RADIL: variants seen among roughly 807,000 people sequenced by gnomAD.
RADIL encodes ras-associating and dilute domain-containing protein.
RADIL carries 99 observed loss-of-function variants against 97.6 expected under a neutral mutation model. The observed-to-expected ratio is 1.01, with a 90% CI of 0.86 to 1.20. RADIL has a LOEUF of 1.20. Ranked by LOEUF, RADIL falls within the 50% of genes most tolerant of loss-of-function variation. The pLI is 0.00. For missense variants in RADIL, 1,765 were observed against 1,498.9 expected, an observed-to-expected ratio of 1.18 and a Z score of -2.93; for synonymous variants, 803 against 691.8, an observed-to-expected ratio of 1.16 and a Z score of -2.52.
At chr7:4,843,582 C>T (rs1783498430) in intron 2 of RADIL, among the ~76,000 whole-genome samples, 4 of 152,192 alleles carry the variant, frequency 2.6e-5, no homozygotes, top group African/African-American at 9.7e-5. Context: ...TGACTCTGGG[C>T]ATTTTGCATC....
chr7:4,798,197 A>G lies in RADIL; in HGVS notation c.*1181T>C, dbSNP rs1430059471. On this transcript the variant is annotated 3_prime_UTR_variant, in exon 15 of 15. Coordinates refer to ENST00000399583, the MANE Select transcript of RADIL (RefSeq NM_018059.5). ...GAACCTGGCAGTGGTCGCCGTTTCGAGCCAGGCGCAATGCGGAGCCGCACA... is the reference window on the plus strand; with the variant it reads ...GAACCTGGCAGTGGTCGCCGTTTCGGGCCAGGCGCAATGCGGAGCCGCACA... The G allele has an allele frequency of 6.6e-6, 1 of 151,468 alleles. No individual in the cohort carries two copies. Among genetic ancestry groups the G allele is most frequent in the Non-Finnish European group, 1.5e-5 (1 of 67,896 alleles). 9.4% of individuals were successfully genotyped at this position (151,468 alleles called of 1,614,324 possible).
At chr7:4,859,960 T>C in intron 2 of RADIL, 2 of 1,614,008 alleles carry the variant, frequency 1.2e-6, no homozygotes, top group Non-Finnish European at 1.7e-6. Flanking sequence ...TGAGACATGT[T>C]GAAGAAACAA....
chr7:4,828,374 C>T (rs373262927), intron 5 of RADIL, among the ~76,000 whole-genome samples: 1 of 152,242 alleles, frequency 6.6e-6, no homozygotes, highest in African/African-American at 2.4e-5. Context: ...GCGGGAATCG[C>T]TTCAGCCCAG....
intron 2 of RADIL, among the ~76,000 whole-genome samples, chr7:4,853,965 C>T (rs1783768965): frequency 6.6e-6 from 1 of 152,138 alleles, no homozygotes; most frequent in Admixed American, 6.5e-5. Context: ...TAGGCACAGC[C>T]ATGTGACTAC....
rs1782196668 is a variant in RADIL at position 4,803,764 on chromosome 7, A to C, written c.2291-10T>G. On this transcript the variant is annotated splice_polypyrimidine_tract_variant and intron_variant, in intron 10 of 14. Transcript: ENST00000399583. ...GACTCCAGAACATCCTCTGCAGGGG[A>C]GAGAGGATGCCCGTAATGGCCACAG... 3 of 1,551,156 alleles carry C rather than the reference A, an allele frequency of 1.9e-6. No homozygotes were observed. The East Asian group carries it at 7.3e-5, about 38-fold the overall frequency.
At chr7:4,833,847 C>T (rs1481483495) in intron 4 of RADIL, among the ~76,000 whole-genome samples, 2 of 152,108 alleles carry the variant, frequency 1.3e-5, no homozygotes, top group Admixed American at 6.6e-5. Flanking sequence ...GGGCCCAGGG[C>T]GGTCCTGCTC....
intron 2 of RADIL, chr7:4,860,563 A>G: frequency 6.2e-7 from 1 of 1,614,204 alleles, no homozygotes; most frequent in South Asian, 1.1e-5. Flanking sequence ...GTGGATTCAC[A>G]TGTGCCAGTG....
intron 5 of RADIL, among the ~76,000 whole-genome samples, chr7:4,826,891 A>AT (rs763374844): frequency 1.3e-5 from 2 of 152,220 alleles, no homozygotes; most frequent in Non-Finnish European, 2.9e-5. Flanking sequence ...ATTAACAAAG[A>AT]TAAGACAGGT....
rs1391528450 is a variant in RADIL at position 4,835,644 on chromosome 7, G to A, written c.784-405C>T. Among the ~76,000 whole-genome samples, 17 of 151,710 alleles carry A rather than the reference G, an allele frequency of 1.1e-4. No homozygotes were observed. The East Asian group carries it at 1.4e-3, about 12-fold the overall frequency. On this transcript the variant is annotated intron_variant, in intron 3 of 14. Transcript: ENST00000399583. This position sits in a 1 kb window ranked among gnomAD's most constrained non-coding sequence, Gnocchi z 5.8. ...GCACCACCCCCAGTGTGGGAGCACT[G>A]CCGCCTGTGTGAGAGCACTGCCCCG...
At position 4,799,133 on chromosome 7, in the gene RADIL, C is replaced by G. The variant is rs184584365; in HGVS notation, c.*245G>C. On this transcript the variant is annotated 3_prime_UTR_variant, in exon 15 of 15. Coordinates refer to ENST00000399583, the MANE Select transcript of RADIL (RefSeq NM_018059.5). ...GAACGGGAAAAATAGTTTATTGAAC[C>G]GTACTTCTCCATTGAAGTCTTTAAA... 3.8e-6 allele frequency: 2 copies of G among 525,608 alleles called. No homozygotes were observed. Among genetic ancestry groups the G allele is most frequent in the African/African-American group, 3.8e-5 (2 of 52,092 alleles). The allele number at this position is 525,608 out of a possible 1,614,324, so 32.6% of individuals were successfully genotyped here. A position where few individuals can be genotyped will look rare whatever the true frequency, so the allele number is the denominator to read the frequency against.
At position 4,799,190 on chromosome 7, in the gene RADIL, C is replaced by G. The variant is rs76781363; in HGVS notation, c.*188G>C. ...AGCTCTGTAACAAACATCACAATTT[C>G]ACGTCATCTGCCATATAAATAGAAC... On this transcript the variant is annotated 3_prime_UTR_variant, in exon 15 of 15. Transcript: ENST00000399583. 20,027 of 592,748 alleles carry G rather than the reference C, an allele frequency of 0.034. 489 individuals carry two copies. Among genetic ancestry groups the G allele is most frequent in the African/African-American group, 0.097 (5,204 of 53,766 alleles). The allele number at this position is 592,748 out of a possible 1,614,324, so 36.7% of individuals were successfully genotyped here.
At chr7:4,855,737 T>C in intron 2 of RADIL, among the ~76,000 whole-genome samples, 1 of 151,932 alleles carries the variant, frequency 6.6e-6, no homozygotes. Context: ...CTAGCTCCTC[T>C]TCCGTGAAGT....
At chr7:4,881,774 T>C (rs1583335409) in intron 1 of RADIL, among the ~76,000 whole-genome samples, 1 of 149,704 alleles carries the variant, frequency 6.7e-6, no homozygotes, top group East Asian at 2.0e-4. Context: ...CCAAATACAA[T>C]GGAAAAGTGA....
intron 2 of RADIL, among the ~76,000 whole-genome samples, chr7:4,850,644 G>A (rs537820256): frequency 3.2e-4 from 48 of 152,248 alleles, no homozygotes; most frequent in South Asian, 2.3e-3. Context: ...AGTGGTCCAC[G>A]GCTGTGAGCC....
chr7:4,816,927 C>T lies in RADIL; in HGVS notation c.1728+312G>A, dbSNP rs1017350090. 2.0e-5 allele frequency among the ~76,000 whole-genome samples: 3 copies of T among 152,192 alleles called. No individual in the cohort carries two copies. The East Asian group carries it at 5.8e-4, about 29-fold the overall frequency. On this transcript the variant is annotated intron_variant, in intron 7 of 14. Transcript: ENST00000399583. The stretch of plus-strand genomic sequence containing the variant: ...GGTGACAACAGGGCCATGTCCCTTG[C>T]GCCCCATGCTGGGGCCTCCCCCACC...
intron 2 of RADIL, among the ~76,000 whole-genome samples, chr7:4,866,927 G>A (rs924354360): frequency 1.3e-5 from 2 of 152,174 alleles, no homozygotes; most frequent in African/African-American, 4.8e-5. Context: ...ATCGAGAATG[G>A]ATTGGTTTCC....
rs1783477112 is a variant in RADIL, at chr7:4,842,797, A to T, written c.536-6192T>A. 6.6e-6 allele frequency among the ~76,000 whole-genome samples: 1 copy of T among 152,004 alleles called. No homozygotes were observed. Reference sequence around the variant, plus strand: ...GTGACTAGGAGTGGAGACGGAGGGGATAATGAAACGTTCCTGGGCTGGGGA... The same window carrying T: ...GTGACTAGGAGTGGAGACGGAGGGGTTAATGAAACGTTCCTGGGCTGGGGA... On this transcript the variant is annotated intron_variant, in intron 2 of 14. Coordinates refer to ENST00000399583, the MANE Select transcript of RADIL (RefSeq NM_018059.5). This position sits in a 1 kb window ranked among gnomAD's most constrained non-coding sequence, Gnocchi z 4.5.
intron 5 of RADIL, among the ~76,000 whole-genome samples, chr7:4,830,592 C>G (rs10239159): frequency 0.42 from 63,235 of 152,030 alleles, 15,985 homozygotes; most frequent in African/African-American, 0.71. Flanking sequence ...AAAAGCACGA[C>G]ATCAGCCAGG....
intron 9 of RADIL, chr7:4,808,862 C>A: frequency 6.2e-6 from 6 of 963,650 alleles, no homozygotes; most frequent in Non-Finnish European, 7.3e-6. Context: ...CGCCACTGCC[C>A]CTCCGCGTCT....
Sources: gnomAD v4.1 joint callset for allele counts (sites outside exome capture counted in the v4.1 genomes callset) on GRCh38, gnomAD v4.1.1 for gene constraint, Gnocchi (gnomAD v3.1) non-coding constraint, MANE v1.5 for transcripts, NCBI Gene and HGNC (gene_info 2026-07-23, HGNC 2026-07-21) for gene names.